Variants in GCLM observed in about 807,000 individuals in gnomAD.
GCLM encodes the protein glutamate-cysteine ligase modifier subunit.
Under a neutral mutation model 36.0 loss-of-function variants are expected in GCLM, and 15 were observed. That is an observed-to-expected ratio of 0.42 (90% CI 0.28 to 0.64). GCLM has a LOEUF of 0.64. Among genes scored for constraint, GCLM ranks in the 30% least tolerant of loss-of-function variants. The pLI, the probability that GCLM is intolerant of heterozygous loss-of-function variation, is 0.25. For missense variants in GCLM, 242 were observed against 325.5 expected (o/e 0.74, Z 1.97); for synonymous variants, 129 against 122.8 (o/e 1.05, Z -0.34).
intron 3 of GCLM, among the ~76,000 whole-genome samples, 177 bp from the exon 4 acceptor site, chr1:93,898,075 A>G (rs1161592379): frequency 2.0e-5 from 3 of 152,064 alleles, no homozygotes; most frequent in Non-Finnish European, 4.4e-5. Context: ...TAGTTCCACT[A>G]TACTTTTAAA....
rs1463767726 is a variant in GCLM at position 93,886,321 on chromosome 1, C to T, written c.*2669G>A. ...CATCTCTTATATAAACTATTGATAACTTAGCTTTCAGTTTTAAGTAATTAT... is the reference window on the plus strand; with the variant it reads ...CATCTCTTATATAAACTATTGATAATTTAGCTTTCAGTTTTAAGTAATTAT... On this transcript the variant is annotated 3_prime_UTR_variant, in exon 7 of 7. Transcript: ENST00000370238. The T allele has an allele frequency of 2.0e-5, 3 of 151,954 alleles. No homozygotes were observed. Among genetic ancestry groups the T allele is most frequent in the African/African-American group, 7.3e-5 (3 of 41,352 alleles). The allele number at this position is 151,954 out of a possible 1,614,324, so 9.4% of individuals were successfully genotyped here.
intron 4 of GCLM, among the ~76,000 whole-genome samples, chr1:93,897,203 A>G (rs574805751): frequency 4.6e-5 from 7 of 152,228 alleles, no homozygotes; most frequent in Non-Finnish European, 1.0e-4. Flanking sequence ...CTACTATCGC[A>G]TATGGATGAT....
chr1:93,896,029 C>A (rs1183515997), intron 5 of GCLM, among the ~76,000 whole-genome samples: 1 of 147,438 alleles, frequency 6.8e-6, no homozygotes, highest in Non-Finnish European at 1.5e-5. Context: ...GTGGCGCAAT[C>A]TCAGCTCACT....
intron 1 of GCLM, among the ~76,000 whole-genome samples, chr1:93,907,783 T>C (rs1440372386): frequency 6.6e-6 from 1 of 152,302 alleles, no homozygotes. Flanking sequence ...CTCAGATTCC[T>C]ACTAAAGTTA....
chr1:93,897,418 A>G (rs907628210), intron 4 of GCLM, among the ~76,000 whole-genome samples: 1 of 152,178 alleles, frequency 6.6e-6, no homozygotes, highest in Non-Finnish European at 1.5e-5. Flanking sequence ...AGTTTTCAAT[A>G]TATGTAAATA....
At position 93,885,333 on chromosome 1, in the gene GCLM, CTTTA is replaced by C. The variant is rs1394004247; in HGVS notation, c.*3653_*3656del. ...CCAATTAAAAAATATACAACTCACA[CTTTA>C]TTTTAGTTAAATTCATAATGTAGGT... On this transcript the variant is annotated 3_prime_UTR_variant, in exon 7 of 7. Coordinates refer to ENST00000370238, the MANE Select transcript of GCLM (RefSeq NM_002061.4). The C allele has an allele frequency of 2.6e-5, 4 of 152,092 alleles. No homozygotes were observed. The highest frequency in any genetic ancestry group is 6.6e-5 in the Admixed American group (1 of 15,264). The allele number at this position is 152,092 out of a possible 1,614,324, so 9.4% of individuals were successfully genotyped here.
intron 5 of GCLM, among the ~76,000 whole-genome samples, 192 bp from the exon 6 acceptor site, chr1:93,894,920 A>G (rs1656671712): frequency 6.6e-6 from 1 of 151,954 alleles, no homozygotes; most frequent in African/African-American, 2.4e-5. Context: ...GGTTAGTAGT[A>G]ATAGGGAATA....
intron 4 of GCLM, 50 bp downstream of exon 4, chr1:93,897,789 A>G (rs1656785608): frequency 1.1e-6 from 1 of 904,972 alleles, no homozygotes; most frequent in Non-Finnish European, 1.7e-6. Context: ...TAATACACCT[A>G]TACTAATTTA....
intron 3 of GCLM, among the ~76,000 whole-genome samples, chr1:93,898,105 C>T (rs1656799028): frequency 6.6e-6 from 1 of 151,550 alleles, no homozygotes; most frequent in African/African-American, 2.4e-5. Context: ...TAGTTGCCAA[C>T]AAATATATGT....
At chr1:93,889,365 T>C (rs1011283502) in intron 6 of GCLM, among the ~76,000 whole-genome samples, 1 of 152,160 alleles carries the variant, frequency 6.6e-6, no homozygotes, top group African/African-American at 2.4e-5. Context: ...TCTACACCTG[T>C]ACCCCAGCCT....
intron 4 of GCLM, among the ~76,000 whole-genome samples, 172 bp downstream of exon 4, chr1:93,897,667 C>T (rs1182206777): frequency 1.3e-5 from 2 of 152,070 alleles, no homozygotes; most frequent in Admixed American, 1.3e-4. Context: ...TATGACCCTA[C>T]ATAAGTCAGT....
chr1:93,894,075 T>C (rs1005170122), intron 6 of GCLM, among the ~76,000 whole-genome samples: 2 of 151,932 alleles, frequency 1.3e-5, no homozygotes, highest in African/African-American at 4.8e-5. Flanking sequence ...CTGGGTGACA[T>C]GGTGAAACCC....
At chr1:93,894,575 G>A in intron 6 of GCLM, 39 bp downstream of exon 6, 6 of 1,055,830 alleles carry the variant, frequency 5.7e-6, no homozygotes, top group Non-Finnish European at 8.9e-6. Context: ...TAAGACAAAA[G>A]CTTATGATCA....
Position 93,888,861 on chromosome 1 carries a change from A to C in GCLM, c.*129T>G. 1.7e-6 allele frequency: 1 copy of C among 593,058 alleles called. No homozygotes were observed. Among genetic ancestry groups the C allele is most frequent in the Non-Finnish European group, 2.9e-6 (1 of 346,396 alleles). 36.7% of individuals were successfully genotyped at this position (593,058 alleles called of 1,614,324 possible). A position where few individuals can be genotyped will look rare whatever the true frequency, so the allele number is the denominator to read the frequency against. The stretch of plus-strand genomic sequence containing the variant: ...AAGTATTTAAAACTTGACAGACAAC[A>C]TACTGTCAAATATGACGAAAGAATA... On this transcript the variant is annotated 3_prime_UTR_variant, in exon 7 of 7. Coordinates refer to ENST00000370238, the MANE Select transcript of GCLM (RefSeq NM_002061.4).
rs1312508314 is a variant in GCLM at position 93,888,195 on chromosome 1, C to T, written c.*795G>A. 1.3e-5 allele frequency: 2 copies of T among 152,260 alleles called. No individual in the cohort carries two copies. The highest frequency in any genetic ancestry group is 2.9e-5 in the Non-Finnish European group (2 of 68,018). The allele number at this position is 152,260 out of a possible 1,614,324, so 9.4% of individuals were successfully genotyped here. ...CCCAACATATGGTAAATACTCAATA[C>T]TTATTGAGGATTCTTGAATGAGTAG... On this transcript the variant is annotated 3_prime_UTR_variant, in exon 7 of 7. Transcript: ENST00000370238.
At chr1:93,902,973 T>A (rs1657017036) in intron 2 of GCLM, among the ~76,000 whole-genome samples, 1 of 152,248 alleles carries the variant, frequency 6.6e-6, no homozygotes, top group Non-Finnish European at 1.5e-5. Context: ...TGGCTTCTTT[T>A]ACTTAGAAAT....
intron 5 of GCLM, 26 bp downstream of exon 5, chr1:93,896,592 G>A (rs1260697947): frequency 6.3e-7 from 1 of 1,578,098 alleles, no homozygotes; most frequent in Admixed American, 1.7e-5. Context: ...TCTTCCTGGA[G>A]TGCTCATGAT....
In GCLM at chr1:93,887,506, T is replaced by G. The variant is rs983742916; in HGVS notation, c.*1484A>C. On this transcript the variant is annotated 3_prime_UTR_variant, in exon 7 of 7. Transcript: ENST00000370238. ...TTTTTTTTGAGATGGAGTCTCGCTC[T>G]GTCGCCCAGGCTGGAGTGCAGTGAT... The G allele has an allele frequency of 6.7e-6, 1 of 149,556 alleles. No homozygotes were observed. Among genetic ancestry groups the G allele is most frequent in the Non-Finnish European group, 1.5e-5 (1 of 67,678 alleles). 9.3% of individuals were successfully genotyped at this position (149,556 alleles called of 1,614,324 possible).
intron 3 of GCLM, among the ~76,000 whole-genome samples, chr1:93,900,483 T>A (rs567892684): frequency 2.0e-4 from 30 of 152,058 alleles, no homozygotes; most frequent in African/African-American, 7.0e-4. Context: ...CAGGAAAAAA[T>A]GGGTTTTGGA....
Sources: allele counts gnomAD v4.1 joint callset (sites outside exome capture counted in the v4.1 genomes callset), GRCh38; gene constraint gnomAD v4.1.1; transcripts MANE v1.5; gene names NCBI Gene and HGNC (gene_info 2026-07-23, HGNC 2026-07-21).